NRG1: variants seen among roughly 807,000 people sequenced by gnomAD.
NRG1 encodes the protein neuregulin 1.
NRG1 carries 18 observed loss-of-function variants against 63.8 expected under a neutral mutation model. The observed-to-expected ratio is 0.28, with a 90% confidence interval of 0.19 to 0.42. The LOEUF (loss-of-function observed/expected upper bound fraction) is 0.42. NRG1 is among the 10% of genes least tolerant of loss of function. NRG1 has a pLI of 1.00. For missense variants in NRG1, 762 were observed against 814.7 expected, an observed-to-expected ratio of 0.94 and a Z score of 0.79; for synonymous variants, 302 against 301.3, an observed-to-expected ratio of 1.00 and a Z score of -0.02.
intron 1 of NRG1, among the ~76,000 whole-genome samples, chr8:32,185,695 T>C (rs912118444): frequency 2.0e-4 from 31 of 152,334 alleles, no homozygotes; most frequent in African/African-American, 7.5e-4. Context: ...TTCATTCAAC[T>C]TTTGTTCATC....
chr8:31,920,979 T>G (rs1485970454), intron 1 of NRG1, among the ~76,000 whole-genome samples: 1 of 152,136 alleles, frequency 6.6e-6, no homozygotes, highest in Non-Finnish European at 1.5e-5. Flanking sequence ...AAGCTTCTAT[T>G]GTACTATCTA....
chr8:32,294,749 T>C (rs62497580), intron 1 of NRG1, among the ~76,000 whole-genome samples: 15 of 151,948 alleles, frequency 9.9e-5, no homozygotes, highest in Non-Finnish European at 1.6e-4. Context: ...CATTTACGAA[T>C]GGTTTCTATT....
In NRG1 at chr8:32,311,994, A is replaced by G. The variant is rs148101372; in HGVS notation, c.38-283834A>G. ...GGATAATCCATGCAGTGTTTGCTCA[A>G]CCTGTTTACACTGAGATGTGTTGAG... is the stretch of plus-strand genomic sequence containing the variant. On this transcript the variant is annotated intron_variant, in intron 1 of 10. Transcript: ENST00000519301. 1.6e-4 allele frequency among the ~76,000 whole-genome samples: 24 copies of G among 152,186 alleles called. No homozygotes were observed. In the East Asian group the frequency reaches 4.6e-3, roughly 29 times the overall value.
chr8:31,910,200 C>A (rs565303252), intron 1 of NRG1, among the ~76,000 whole-genome samples: 1 of 152,310 alleles, frequency 6.6e-6, no homozygotes, highest in African/African-American at 2.4e-5. Context: ...GGCTACAAGA[C>A]CAATCAGAAC....
intron 1 of NRG1, among the ~76,000 whole-genome samples, chr8:32,166,106 T>C (rs1052797649): frequency 2.0e-5 from 3 of 152,180 alleles, no homozygotes; most frequent in Non-Finnish European, 4.4e-5. Flanking sequence ...TAGACAAATA[T>C]TGTAGCCACT....
intron 1 of NRG1, among the ~76,000 whole-genome samples, chr8:32,125,535 C>A (rs1833962925): frequency 6.6e-6 from 1 of 151,922 alleles, no homozygotes; most frequent in African/African-American, 2.4e-5. Context: ...ACTCAAAAAT[C>A]TGCAACAATC....
chr8:32,433,701 A>T (rs1366027350), intron 1 of NRG1, among the ~76,000 whole-genome samples: 1 of 152,164 alleles, frequency 6.6e-6, no homozygotes, highest in East Asian at 1.9e-4. Context: ...TCATCTATGC[A>T]GCTCTAAATG....
At chr8:32,438,518 A>G (rs1819074099) in intron 1 of NRG1, among the ~76,000 whole-genome samples, 2 of 152,188 alleles carry the variant, frequency 1.3e-5, no homozygotes, top group South Asian at 4.1e-4. Context: ...GTGTAAACAT[A>G]CATTTTCATT....
At chr8:31,891,108 C>T (rs975097588) in intron 1 of NRG1, among the ~76,000 whole-genome samples, 1 of 152,116 alleles carries the variant, frequency 6.6e-6, no homozygotes, top group Non-Finnish European at 1.5e-5. Context: ...AATGGGTCGA[C>T]TTGATACTGA....
At chr8:31,852,520 G>A (rs922638318) in intron 1 of NRG1, among the ~76,000 whole-genome samples, 2 of 152,040 alleles carry the variant, frequency 1.3e-5, no homozygotes, top group African/African-American at 4.8e-5. Flanking sequence ...CCCTATGTCA[G>A]ATGAGTAGGT....
rs35752428 is a variant in NRG1, at chr8:32,430,787, GTT to G, written c.38-165026_38-165025del. On this transcript the variant is annotated intron_variant, in intron 1 of 10. Transcript: ENST00000519301. ...CTCATGTTACACTGCAATGGTTTGGGTTTTTTTTTTTTTTTTGTATTTTTGGT... is the reference window on the plus strand; with the variant it reads ...CTCATGTTACACTGCAATGGTTTGGGTTTTTTTTTTTTTTGTATTTTTGGT... Among the ~76,000 whole-genome samples, 638 of 134,102 alleles carry G rather than the reference GTT, an allele frequency of 4.8e-3. 4 individuals carry two copies. The highest frequency in any genetic ancestry group is 0.014 in the African/African-American group (501 of 36,528). The allele number at this position is 134,102 out of a possible 152,430, so 88.0% of individuals were successfully genotyped here. A position where few individuals can be genotyped will look rare whatever the true frequency, so the allele number is the denominator to read the frequency against.
intron 1 of NRG1, among the ~76,000 whole-genome samples, chr8:32,375,365 G>A (rs12547176): frequency 0.13 from 19,274 of 152,096 alleles, 1,630 homozygotes; most frequent in Admixed American, 0.24. Context: ...ATGAGGAAAG[G>A]TGATAGAACC....
In NRG1 at chr8:31,796,414, C is replaced by CTTTTTTTT. The variant is rs1158508289; in HGVS notation, c.37+157012_37+157019dup. ...ATAACCAAATAAGATGGCGTATAAT[C>CTTTTTTTT]TTTTTTTTTTTTTTTTTTTTTTTTT... On this transcript the variant is annotated intron_variant, in intron 1 of 10. Transcript: ENST00000519301. Among the ~76,000 whole-genome samples, 13 of 43,376 alleles carry CTTTTTTTT rather than the reference C, an allele frequency of 3.0e-4. 5 individuals are homozygous for CTTTTTTTT. Among genetic ancestry groups the CTTTTTTTT allele is most frequent in the Non-Finnish European group, 5.3e-4 (13 of 24,460 alleles). The allele number at this position is 43,376 out of a possible 152,430, so 28.5% of individuals were successfully genotyped here.
At chr8:32,478,458 A>C (rs1354572267) in intron 1 of NRG1, among the ~76,000 whole-genome samples, 1 of 152,242 alleles carries the variant, frequency 6.6e-6, no homozygotes, top group Non-Finnish European at 1.5e-5. Context: ...TGCTAATGTC[A>C]TGACTGGTTT....
At chr8:31,988,301 A>C (rs535376405) in intron 1 of NRG1, among the ~76,000 whole-genome samples, 48 of 152,218 alleles carry the variant, frequency 3.2e-4, no homozygotes, top group African/African-American at 1.1e-3. Flanking sequence ...ACCATAACTA[A>C]AGAGAGATGA....
At chr8:32,725,139 T>TG (rs970936723) in intron 5 of NRG1, among the ~76,000 whole-genome samples, 1 of 152,086 alleles carries the variant, frequency 6.6e-6, no homozygotes, top group African/African-American at 2.4e-5. Context: ...TGTCTACATT[T>TG]GGGGGGGAGT....
intron 1 of NRG1, among the ~76,000 whole-genome samples, chr8:31,849,518 C>T (rs1827013746): frequency 6.6e-6 from 1 of 152,194 alleles, no homozygotes; most frequent in Admixed American, 6.5e-5. Context: ...AACAGCTGTC[C>T]ACTGGACAAA....
chr8:31,727,994 G>T (rs1474526931), intron 1 of NRG1, among the ~76,000 whole-genome samples: 1 of 152,132 alleles, frequency 6.6e-6, no homozygotes, highest in South Asian at 2.1e-4. Flanking sequence ...TTCACGTCCC[G>T]GGTAGGAGGG....
rs534393791 is a variant in NRG1, at chr8:32,330,400, A to T, written c.38-265428A>T. Among the ~76,000 whole-genome samples, 4 of 152,342 alleles carry T rather than the reference A, an allele frequency of 2.6e-5. No individual in the cohort carries two copies. The East Asian group carries it at 7.7e-4, about 29-fold the overall frequency. On this transcript the variant is annotated intron_variant, in intron 1 of 10. Transcript: ENST00000519301. Reference sequence around the variant, plus strand: ...AGAGAGTTGCCTTAGATGAATTAGGAAACAGTTTCTGAGATAGAGATGTTA... The same window carrying T: ...AGAGAGTTGCCTTAGATGAATTAGGTAACAGTTTCTGAGATAGAGATGTTA...
Sources: gnomAD v4.1 joint callset for allele counts (sites outside exome capture counted in the v4.1 genomes callset) on GRCh38, gnomAD v4.1.1 for gene constraint, MANE v1.5 for transcripts, NCBI Gene and HGNC (gene_info 2026-07-23, HGNC 2026-07-21) for gene names.